Variants in PGM1 observed in about 807,000 individuals in gnomAD.
PGM1 encodes phosphoglucomutase 1.
In PGM1, 52 loss-of-function variants were observed where a neutral mutation model predicts 55.6. That is an observed-to-expected ratio of 0.94 (90% confidence interval 0.75 to 1.18). The LOEUF (loss-of-function observed/expected upper bound fraction) is 1.18, where lower values mean the gene tolerates loss of function less well. PGM1 is among the 50% of genes most tolerant of loss of function. The pLI, the probability that PGM1 is intolerant of heterozygous loss-of-function variation, is 0.00. For synonymous variants in PGM1, 287 were observed against 271.7 expected, an observed-to-expected ratio of 1.06 and a Z score of -0.55; for missense variants, 724 against 729.3, an observed-to-expected ratio of 0.99 and a Z score of 0.08.
chr1:63,623,717 A>G (rs1305243775), intron 1 of PGM1: 2 of 1,612,636 alleles, frequency 1.2e-6, no homozygotes, highest in Admixed American at 1.7e-5. Context: ...TACTTTAATA[A>G]ATCAGCAATA....
intron 7 of PGM1, 134 bp from the exon 8 acceptor site, chr1:63,648,383 T>G: frequency 1.1e-6 from 1 of 907,488 alleles, no homozygotes; most frequent in Non-Finnish European, 1.8e-6. Context: ...TCCCCCATGA[T>G]CCAATCACTT....
At chr1:63,651,935 T>C (rs912432841) in intron 9 of PGM1, 83 bp downstream of exon 9, 2 of 1,315,472 alleles carry the variant, frequency 1.5e-6, no homozygotes, top group Non-Finnish European at 2.2e-6. Flanking sequence ...AAAAAGTTCC[T>C]GTTGGCTATT....
At chr1:63,647,184 A>G (rs1386165909) in intron 7 of PGM1, among the ~76,000 whole-genome samples, 2 of 149,214 alleles carry the variant, frequency 1.3e-5, no homozygotes, top group East Asian at 3.9e-4. Context: ...CAGAGGTTGC[A>G]GTGAGCCAAG....
Position 63,629,410 on chromosome 1 carries a change from G to T in PGM1, c.247-15G>T. 2 of 1,611,700 alleles carry T rather than the reference G, an allele frequency of 1.2e-6. No individual in the cohort carries two copies. Among genetic ancestry groups the T allele is most frequent in the East Asian group, 2.2e-5 (1 of 44,870 alleles). ...TATTGATGTTAAAGAGTGTGTTCTG[G>T]ATTTCTTCTCCTAGATCGGTCGCTT... On this transcript the variant is annotated splice_polypyrimidine_tract_variant and intron_variant, in intron 1 of 10. Coordinates refer to ENST00000371084, the MANE Select transcript of PGM1 (RefSeq NM_002633.3).
chr1:63,629,170 A>C (rs1649120620), intron 1 of PGM1, among the ~76,000 whole-genome samples: 1 of 152,214 alleles, frequency 6.6e-6, no homozygotes, highest in Admixed American at 6.6e-5. Flanking sequence ...CTTACAGTGC[A>C]CACAGACCAC....
At chr1:63,611,570 G>T (rs1483930858) in intron 1 of PGM1, among the ~76,000 whole-genome samples, 1 of 152,130 alleles carries the variant, frequency 6.6e-6, no homozygotes, top group African/African-American at 2.4e-5. Context: ...TTATGGCCCT[G>T]AGGGAAGGGA....
At chr1:63,654,861 A>G (rs571829959) in intron 10 of PGM1, among the ~76,000 whole-genome samples, 1 of 152,244 alleles carries the variant, frequency 6.6e-6, no homozygotes, top group Admixed American at 6.5e-5. Flanking sequence ...TAATTCTCAA[A>G]TAACTTAGAC....
At chr1:63,628,180 G>A (rs3819911) in intron 1 of PGM1, among the ~76,000 whole-genome samples, 20,397 of 152,080 alleles carry the variant, frequency 0.13, 1,385 homozygotes, top group African/African-American at 0.17. Context: ...AACAATCATC[G>A]GTTTTGATTT....
At chr1:63,624,138 AT>A (rs558112145) in intron 1 of PGM1, among the ~76,000 whole-genome samples, 74 of 152,286 alleles carry the variant, frequency 4.9e-4, no homozygotes, top group South Asian at 1.4e-3. Flanking sequence ...AGAGAAGAGG[AT>A]TTTGTTTTCT....
intron 1 of PGM1, among the ~76,000 whole-genome samples, chr1:63,615,544 CTTCTTCTTTTTTTT>C (rs1648686191): frequency 9.0e-6 from 1 of 110,662 alleles, no homozygotes; most frequent in African/African-American, 4.0e-5. Flanking sequence ...TCCTCTTCTT[CTTCTTCTTTTTTTT>C]TTTTTTTTTT....
intron 1 of PGM1, among the ~76,000 whole-genome samples, chr1:63,594,788 CAA>C (rs34661751): frequency 0.041 from 3,735 of 90,510 alleles, 182 homozygotes; most frequent in African/African-American, 0.15. Context: ...CTAAAAAATA[CAA>C]AAAAAAAAAA....
intron 7 of PGM1, among the ~76,000 whole-genome samples, chr1:63,647,111 C>G (rs1336647445): frequency 1.3e-5 from 2 of 151,404 alleles, no homozygotes; most frequent in African/African-American, 4.8e-5. Flanking sequence ...AGCATGGTGG[C>G]GGGCACCTAT....
At position 63,596,254 on chromosome 1, in the gene PGM1, CTTTTTT is replaced by C. The variant is rs531673796; in HGVS notation, c.246+2537_246+2542del. ...CTTTCTTTCTTTCTTTTTTCTTCTT[CTTTTTT>C]TTTTTTTTTTTTTTTTGAGACGGAG... On this transcript the variant is annotated intron_variant, in intron 1 of 10. Coordinates refer to ENST00000371084, the MANE Select transcript of PGM1 (RefSeq NM_002633.3). Among the ~76,000 whole-genome samples, 20 of 111,322 alleles carry C rather than the reference CTTTTTT, an allele frequency of 1.8e-4. No individual in the cohort carries two copies. The South Asian group carries it at 4.8e-3, about 26-fold the overall frequency. The allele number at this position is 111,322 out of a possible 152,430, so 73.0% of individuals were successfully genotyped here.
At chr1:63,605,019 T>G (rs1295866052) in intron 1 of PGM1, among the ~76,000 whole-genome samples, 1 of 151,462 alleles carries the variant, frequency 6.6e-6, no homozygotes, top group Non-Finnish European at 1.5e-5. Flanking sequence ...GCCATAGGAG[T>G]GTTCACATTG....
At chr1:63,649,994 T>C (rs930541488) in intron 8 of PGM1, among the ~76,000 whole-genome samples, 1 of 152,188 alleles carries the variant, frequency 6.6e-6, no homozygotes, top group Admixed American at 6.5e-5. Context: ...CAGAGTAGAA[T>C]AAGGTTAGGA....
intron 1 of PGM1, among the ~76,000 whole-genome samples, chr1:63,596,269 T>C (rs1398254365): frequency 1.4e-5 from 2 of 144,908 alleles, no homozygotes; most frequent in African/African-American, 5.1e-5. Context: ...TTTTTTTTTT[T>C]TTTTTTTGAG....
At chr1:63,650,601 T>C (rs1173992379) in intron 8 of PGM1, among the ~76,000 whole-genome samples, 1 of 152,212 alleles carries the variant, frequency 6.6e-6, no homozygotes, top group African/African-American at 2.4e-5. Flanking sequence ...GCATATATGA[T>C]ATCTATTTCA....
chr1:63,632,560 C>A (rs953544332), intron 4 of PGM1, among the ~76,000 whole-genome samples: 1 of 152,216 alleles, frequency 6.6e-6, no homozygotes, highest in Non-Finnish European at 1.5e-5. Context: ...TAGAATGGAT[C>A]TACTTCCTTA....
chr1:63,623,428 C>A, intron 1 of PGM1: 1 of 1,598,374 alleles, frequency 6.3e-7, no homozygotes. Context: ...GCTTTCTGGA[C>A]ACCCTCACTG....
Sources: gnomAD v4.1 joint callset for allele counts (sites outside exome capture counted in the v4.1 genomes callset) on GRCh38, gnomAD v4.1.1 for gene constraint, MANE v1.5 for transcripts, NCBI Gene and HGNC (gene_info 2026-07-23, HGNC 2026-07-21) for gene names.